CTNND2: variants seen among roughly 807,000 people sequenced by gnomAD.
CTNND2 encodes the protein catenin delta 2.
A neutral mutation model predicts 144.4 loss-of-function variants in CTNND2; 22 were observed. The ratio of observed to expected loss-of-function variants is 0.15; its 90% CI spans 0.11 to 0.22. The LOEUF is 0.22. Ranked by LOEUF, CTNND2 falls within the 10% of genes least tolerant of loss-of-function variation. The pLI is 1.00. For synonymous variants in CTNND2, 751 were observed against 695.6 expected, an observed-to-expected ratio of 1.08 and a Z score of -1.25; for missense variants, 1,353 against 1,618.8, an observed-to-expected ratio of 0.84 and a Z score of 2.82.
intron 16 of CTNND2, chr5:11,027,339 A>C (rs1742958073): frequency 6.6e-6 from 1 of 152,204 alleles, no homozygotes; most frequent in African/African-American, 2.4e-5. Flanking sequence ...GTTCTTTGTC[A>C]GATCAAAACA....
At chr5:11,601,455 C>A (rs571475707) in intron 2 of CTNND2, among the ~76,000 whole-genome samples, 2 of 151,950 alleles carry the variant, frequency 1.3e-5, no homozygotes, top group South Asian at 4.2e-4. Flanking sequence ...AGATTTAATT[C>A]CAGTTATTAA....
At chr5:11,424,105 A>T (rs900812588) in intron 3 of CTNND2, among the ~76,000 whole-genome samples, 1 of 152,184 alleles carries the variant, frequency 6.6e-6, no homozygotes, top group Non-Finnish European at 1.5e-5. Flanking sequence ...TGGGTGCACA[A>T]ATGTTCATTA....
intron 9 of CTNND2, among the ~76,000 whole-genome samples, chr5:11,252,679 G>A (rs1743782252): frequency 6.6e-6 from 1 of 152,176 alleles, no homozygotes; most frequent in Non-Finnish European, 1.5e-5. Flanking sequence ...GAGTCTCAGA[G>A]ATGATCAGGT....
At chr5:11,683,713 C>G (rs1418990967) in intron 2 of CTNND2, among the ~76,000 whole-genome samples, 1 of 152,188 alleles carries the variant, frequency 6.6e-6, no homozygotes, top group Non-Finnish European at 1.5e-5. Context: ...GTGAGTTTCT[C>G]ATCTCTCTCC....
At position 11,368,393 on chromosome 5, in the gene CTNND2, G is replaced by A. The variant is rs571792122; in HGVS notation, c.1178-3503C>T. On this transcript the variant is annotated intron_variant, in intron 7 of 21. Coordinates refer to ENST00000304623, the MANE Select transcript of CTNND2 (RefSeq NM_001332.4). Reference sequence around the variant, plus strand: ...CTACCTGACTACTGACCACTTGGCTGTGGGGTTGGTGTTGGGGGAGCGAGG... The same window carrying A: ...CTACCTGACTACTGACCACTTGGCTATGGGGTTGGTGTTGGGGGAGCGAGG... Among the ~76,000 whole-genome samples, 12 of 152,326 alleles carry A rather than the reference G, an allele frequency of 7.9e-5. No homozygotes were observed. The South Asian group carries it at 2.5e-3, about 32-fold the overall frequency.
At chr5:11,650,982 C>G (rs1053734904) in intron 2 of CTNND2, among the ~76,000 whole-genome samples, 1 of 152,200 alleles carries the variant, frequency 6.6e-6, no homozygotes, top group African/African-American at 2.4e-5. Context: ...GGGAGAAATT[C>G]AAGCCAGCTG....
chr5:11,662,034 C>T (rs1407684800), intron 2 of CTNND2, among the ~76,000 whole-genome samples: 2 of 150,282 alleles, frequency 1.3e-5, no homozygotes, highest in Admixed American at 6.7e-5. Context: ...CATATATACA[C>T]ACACACACAC....
At chr5:11,240,701 A>C (rs1742285809) in intron 9 of CTNND2, among the ~76,000 whole-genome samples, 1 of 132,340 alleles carries the variant, frequency 7.6e-6, no homozygotes, top group Non-Finnish European at 1.6e-5. Context: ...ACAGACACCC[A>C]ACACACACAC....
At chr5:11,296,948 C>T (rs1580828058) in intron 9 of CTNND2, among the ~76,000 whole-genome samples, 1 of 152,204 alleles carries the variant, frequency 6.6e-6, no homozygotes. Context: ...CAAACCTGCA[C>T]GTTGTGCACA....
chr5:11,073,242 CATT>C (rs1415546799), intron 16 of CTNND2, among the ~76,000 whole-genome samples: 1 of 152,156 alleles, frequency 6.6e-6, no homozygotes, highest in Non-Finnish European at 1.5e-5. Context: ...AATGTAAAAA[CATT>C]ATCCTGCAAA....
Position 11,356,963 on chromosome 5 carries a change from A to G in CTNND2, c.1372+7733T>C, listed in dbSNP as rs73042253. Reference sequence around the variant, plus strand: ...ATAACTAATCATCAGGGAAATGTGAATCAAAACCACAGTGAGATACTACCT... The same window carrying G: ...ATAACTAATCATCAGGGAAATGTGAGTCAAAACCACAGTGAGATACTACCT... On this transcript the variant is annotated intron_variant, in intron 8 of 21. Coordinates refer to ENST00000304623, the MANE Select transcript of CTNND2 (RefSeq NM_001332.4). Among the ~76,000 whole-genome samples, 921 of 152,272 alleles carry G rather than the reference A, an allele frequency of 6.0e-3. 10 individuals are homozygous for G. The highest frequency in any genetic ancestry group is 0.021 in the African/African-American group (893 of 41,566).
At chr5:11,644,243 T>C (rs577632618) in intron 2 of CTNND2, among the ~76,000 whole-genome samples, 4 of 152,242 alleles carry the variant, frequency 2.6e-5, no homozygotes, top group African/African-American at 9.6e-5. Flanking sequence ...AGGCCAGATA[T>C]AGGACACAGG....
At chr5:11,254,668 A>G (rs780776503) in intron 9 of CTNND2, among the ~76,000 whole-genome samples, 3 of 152,216 alleles carry the variant, frequency 2.0e-5, no homozygotes, top group Non-Finnish European at 4.4e-5. Flanking sequence ...ACAAAGTGGA[A>G]GACGGTCTAG....
At chr5:11,517,133 T>C (rs943541142) in intron 3 of CTNND2, among the ~76,000 whole-genome samples, 3 of 152,224 alleles carry the variant, frequency 2.0e-5, no homozygotes, top group African/African-American at 7.2e-5. Flanking sequence ...CCACACGTGA[T>C]ATGTGACGTA....
chr5:11,630,277 T>C (rs933417517), intron 2 of CTNND2, among the ~76,000 whole-genome samples: 53 of 152,302 alleles, frequency 3.5e-4, no homozygotes, highest in East Asian at 1.5e-3. Context: ...CACATCTCCT[T>C]GTGATCTGCA....
intron 2 of CTNND2, among the ~76,000 whole-genome samples, chr5:11,613,313 T>C (rs1455814757): frequency 1.3e-5 from 2 of 152,206 alleles, no homozygotes; most frequent in African/African-American, 4.8e-5. Context: ...TATATGTGTA[T>C]GACACTTATT....
intron 9 of CTNND2, among the ~76,000 whole-genome samples, chr5:11,239,006 A>G (rs1292429737): frequency 1.3e-5 from 2 of 152,264 alleles, no homozygotes; most frequent in Non-Finnish European, 2.9e-5. Context: ...GCCCTCTAGA[A>G]TTATATTCTT....
At chr5:11,283,673 C>CAAAAAAAAAAAAAAAAAAAAAAAA (rs70947250) in intron 9 of CTNND2, among the ~76,000 whole-genome samples, 1 of 31,590 alleles carries the variant, frequency 3.2e-5, no homozygotes. Flanking sequence ...GACTCCGTCT[C>CAAAAAAAAAAAAAAAAAAAAAAAA]AAAAAAAAAA....
Position 11,185,344 on chromosome 5 carries a change from CCATATG to C in CTNND2, c.1975+14098_1975+14103del, listed in dbSNP as rs2149806597. 2.0e-5 allele frequency among the ~76,000 whole-genome samples: 3 copies of C among 152,296 alleles called. No homozygotes were observed. In the South Asian group the frequency reaches 6.2e-4, roughly 32 times the overall value. ...AACAGAGCTCACATCTACATCATTT[CCATATG>C]CTCTTGTCTACCCTGACTGAGCAAC... is the stretch of plus-strand genomic sequence containing the variant. On this transcript the variant is annotated intron_variant, in intron 11 of 21. Coordinates refer to ENST00000304623, the MANE Select transcript of CTNND2 (RefSeq NM_001332.4).
Sources: gnomAD v4.1 joint callset for allele counts (sites outside exome capture counted in the v4.1 genomes callset) on GRCh38, gnomAD v4.1.1 for gene constraint, MANE v1.5 for transcripts, NCBI Gene and HGNC (gene_info 2026-07-23, HGNC 2026-07-21) for gene names.